Variants in ST6GALNAC3 observed in about 807,000 individuals in gnomAD.
The protein encoded by ST6GALNAC3 is alpha-N-acetylgalactosaminide alpha-2,6-sialyltransferase 3.
A neutral mutation model predicts 32.7 loss-of-function variants in ST6GALNAC3; 25 were observed. The ratio of observed to expected loss-of-function variants is 0.76; its 90% CI spans 0.56 to 1.07. The LOEUF (loss-of-function observed/expected upper bound fraction) is 1.07, where lower values mean the gene tolerates loss of function less well. Among genes scored for constraint, ST6GALNAC3 ranks in the 50% least tolerant of loss-of-function variants. ST6GALNAC3 has a pLI of 0.00. For synonymous variants in ST6GALNAC3, 129 were observed against 133.1 expected (o/e 0.97, Z 0.21); for missense variants, 355 against 382.4 (o/e 0.93, Z 0.60).
chr1:76,310,086 G>C, intron 1 of ST6GALNAC3: 1 of 425,032 alleles, frequency 2.4e-6, no homozygotes, highest in Non-Finnish European at 4.7e-6. Flanking sequence ...GAGAACCAGA[G>C]AGCCGTGCTG....
intron 2 of ST6GALNAC3, among the ~76,000 whole-genome samples, chr1:76,320,214 G>A (rs1016373524): frequency 1.3e-5 from 2 of 152,140 alleles, no homozygotes; most frequent in African/African-American, 4.8e-5. Flanking sequence ...TTCAGAATAT[G>A]TATTGTGCAT....
chr1:76,623,781 A>G (rs1279631812), intron 3 of ST6GALNAC3, among the ~76,000 whole-genome samples: 1 of 151,948 alleles, frequency 6.6e-6, no homozygotes, highest in Non-Finnish European at 1.5e-5. Context: ...GTAATTTATA[A>G]TTTCTCATTT....
intron 1 of ST6GALNAC3, among the ~76,000 whole-genome samples, chr1:76,128,867 C>T (rs567178207): frequency 1.3e-5 from 2 of 152,300 alleles, no homozygotes; most frequent in African/African-American, 2.4e-5. Context: ...CACAGGTTTA[C>T]AGACAACAGC....
chr1:76,102,788 T>A (rs1647280975), intron 1 of ST6GALNAC3, among the ~76,000 whole-genome samples: 1 of 152,020 alleles, frequency 6.6e-6, no homozygotes, highest in Non-Finnish European at 1.5e-5. Context: ...TATTTATTCT[T>A]TTCTTTGTTC....
At chr1:76,446,410 G>A (rs1656970170) in intron 3 of ST6GALNAC3, among the ~76,000 whole-genome samples, 1 of 152,170 alleles carries the variant, frequency 6.6e-6, no homozygotes, top group Non-Finnish European at 1.5e-5. Flanking sequence ...CTGGACAAAT[G>A]TGTGGTCACA....
intron 1 of ST6GALNAC3, among the ~76,000 whole-genome samples, chr1:76,283,859 G>A (rs1021079291): frequency 5.9e-5 from 9 of 152,266 alleles, no homozygotes; most frequent in African/African-American, 2.2e-4. Context: ...CATACTTGGT[G>A]TTTTTTCTTC....
At chr1:76,275,157 G>A (rs938281243) in intron 1 of ST6GALNAC3, among the ~76,000 whole-genome samples, 9 of 152,138 alleles carry the variant, frequency 5.9e-5, no homozygotes, top group African/African-American at 2.2e-4. Context: ...AAGATTCATT[G>A]CAGGACTTTA....
intron 1 of ST6GALNAC3, among the ~76,000 whole-genome samples, chr1:76,276,839 TA>T (rs1659161967): frequency 6.6e-6 from 1 of 152,216 alleles, no homozygotes; most frequent in South Asian, 2.1e-4. Flanking sequence ...TGTCAGCATT[TA>T]AAAAAGTTGT....
chr1:76,207,454 A>G (rs1392235885), intron 1 of ST6GALNAC3, among the ~76,000 whole-genome samples: 1 of 152,222 alleles, frequency 6.6e-6, no homozygotes, highest in Non-Finnish European at 1.5e-5. Flanking sequence ...CAGATTGGGT[A>G]GTTTATCAAG....
rs1649399122 is a variant in ST6GALNAC3 at position 76,633,539 on chromosome 1, C to T, written c.*4733C>T. On this transcript the variant is annotated 3_prime_UTR_variant, in exon 5 of 5. Transcript: ENST00000328299. ...TGAGGATGAGCAAGCCATTGATACACCAAGAGCTGCTGAGTGTTGGAGGTT... is the reference window on the plus strand; with the variant it reads ...TGAGGATGAGCAAGCCATTGATACATCAAGAGCTGCTGAGTGTTGGAGGTT... The T allele has an allele frequency of 6.6e-6, 1 of 152,148 alleles. No homozygotes were observed. The highest frequency in any genetic ancestry group is 1.5e-5 in the Non-Finnish European group (1 of 68,022). 9.4% of individuals were successfully genotyped at this position (152,148 alleles called of 1,614,324 possible).
intron 2 of ST6GALNAC3, among the ~76,000 whole-genome samples, chr1:76,333,662 G>A (rs900692527): frequency 6.6e-6 from 1 of 152,000 alleles, no homozygotes; most frequent in African/African-American, 2.4e-5. Context: ...GCTGTCCTTG[G>A]TTGTCCATAT....
chr1:76,504,302 T>A (rs1210006481), intron 3 of ST6GALNAC3, among the ~76,000 whole-genome samples: 2 of 152,134 alleles, frequency 1.3e-5, no homozygotes, highest in Non-Finnish European at 2.9e-5. Context: ...TGTTTCTTCT[T>A]CTCTTATAAG....
Position 76,223,890 on chromosome 1 carries a change from A to C in ST6GALNAC3, c.19-89915A>C, listed in dbSNP as rs1032686273. ...TTTTTCACCTAAGTTCATCAATTGCAGTCAGGAAACTGGTAAACTCTGAGT... is the reference window on the plus strand; with the variant it reads ...TTTTTCACCTAAGTTCATCAATTGCCGTCAGGAAACTGGTAAACTCTGAGT... On this transcript the variant is annotated intron_variant, in intron 1 of 4. Transcript: ENST00000328299. Among the ~76,000 whole-genome samples the C allele has an allele frequency of 5.9e-5, 9 of 152,278 alleles. No individual in the cohort carries two copies. The East Asian group carries it at 1.7e-3, about 29-fold the overall frequency.
intron 2 of ST6GALNAC3, among the ~76,000 whole-genome samples, chr1:76,358,854 G>A (rs1317283216): frequency 1.3e-5 from 2 of 152,074 alleles, no homozygotes; most frequent in African/African-American, 2.4e-5. Context: ...GACAAACTGC[G>A]TCTTCTGTCT....
chr1:76,320,615 C>T (rs1010888845), intron 2 of ST6GALNAC3, among the ~76,000 whole-genome samples: 1 of 152,006 alleles, frequency 6.6e-6, no homozygotes, highest in Admixed American at 6.6e-5. Flanking sequence ...ATAGGTCAAC[C>T]TGGCTGGAAC....
intron 1 of ST6GALNAC3, among the ~76,000 whole-genome samples, chr1:76,080,755 G>C (rs1055006371): frequency 3.3e-5 from 5 of 152,088 alleles, no homozygotes; most frequent in African/African-American, 1.2e-4. Flanking sequence ...AAAGCCACAG[G>C]GACTTCACAG....
At chr1:76,210,042 CG>C (rs1312778110) in intron 1 of ST6GALNAC3, among the ~76,000 whole-genome samples, 889 of 54,754 alleles carry the variant, frequency 0.016, 11 homozygotes, top group African/African-American at 0.037. Context: ...ATTAGAGCTG[CG>C]TTTTTTTTTT....
At chr1:76,223,124 A>G (rs1422485840) in intron 1 of ST6GALNAC3, among the ~76,000 whole-genome samples, 1 of 152,208 alleles carries the variant, frequency 6.6e-6, no homozygotes, top group Non-Finnish European at 1.5e-5. Context: ...CAAAATAACA[A>G]AGACATGGGA....
At chr1:76,415,582 A>G (rs1486821142) in intron 3 of ST6GALNAC3, among the ~76,000 whole-genome samples, 1 of 152,038 alleles carries the variant, frequency 6.6e-6, no homozygotes, top group Non-Finnish European at 1.5e-5. Context: ...ATTTTGGCCT[A>G]TGGGAACCTC....
Sources: allele counts gnomAD v4.1 joint callset (sites outside exome capture counted in the v4.1 genomes callset), GRCh38; gene constraint gnomAD v4.1.1; transcripts MANE v1.5; gene names NCBI Gene and HGNC (gene_info 2026-07-23, HGNC 2026-07-21).